RORA: variants seen among roughly 807,000 people sequenced by gnomAD.
RORA encodes the protein RAR related orphan receptor A.
RORA carries 7 observed loss-of-function variants against 69.5 expected under a neutral mutation model. The observed-to-expected ratio is 0.10, with a 90% CI of 0.06 to 0.19. The LOEUF (loss-of-function observed/expected upper bound fraction) is 0.19. RORA is among the 10% of genes least tolerant of loss of function. The probability of loss-of-function intolerance (pLI) is 1.00; values close to 1 mark genes in which losing one functional copy is unlikely to be tolerated. For synonymous variants in RORA, 261 were observed against 240.8 expected (o/e 1.08, Z -0.78); for missense variants, 457 against 663.0 (o/e 0.69, Z 3.41).
intron 2 of RORA, among the ~76,000 whole-genome samples, chr15:60,592,029 C>T (rs1322883708): frequency 6.6e-6 from 1 of 152,060 alleles, no homozygotes; most frequent in Non-Finnish European, 1.5e-5. Context: ...CCCCGGCTTC[C>T]TCTGAACTCC....
chr15:60,638,386 C>CTTTTTTTTTTTTTTTTTTTTTTTTTT (rs375782514), intron 2 of RORA, among the ~76,000 whole-genome samples: 1 of 117,922 alleles, frequency 8.5e-6, no homozygotes, highest in African/African-American at 3.2e-5. Flanking sequence ...ATTTTCTTTT[C>CTTTTTTTTTTTTTTTTTTTTTTTTTT]TTTTTTTTTT....
At chr15:60,590,094 TC>T (rs1875847017) in intron 2 of RORA, among the ~76,000 whole-genome samples, 2 of 152,136 alleles carry the variant, frequency 1.3e-5, no homozygotes, top group Non-Finnish European at 2.9e-5. Flanking sequence ...AGCAAGATAA[TC>T]CCATTAAAAT....
At chr15:61,145,192 T>A (rs138782954) in intron 1 of RORA, among the ~76,000 whole-genome samples, 2 of 152,350 alleles carry the variant, frequency 1.3e-5, no homozygotes, top group East Asian at 3.9e-4. Flanking sequence ...CATAGCAAAC[T>A]ACACCAATTC....
chr15:60,614,818 C>T (rs1194099276), intron 2 of RORA: 19 of 1,110,762 alleles, frequency 1.7e-5, no homozygotes, highest in East Asian at 4.8e-5. Context: ...ATTATACACA[C>T]GCACATGCAG....
At chr15:60,786,890 C>T (rs1199750634) in intron 1 of RORA, among the ~76,000 whole-genome samples, 1 of 152,202 alleles carries the variant, frequency 6.6e-6, no homozygotes, top group African/African-American at 2.4e-5. Flanking sequence ...CATTTAGCAA[C>T]CTTCCCAGCG....
At chr15:60,742,711 T>A (rs1262984937) in intron 1 of RORA, among the ~76,000 whole-genome samples, 3 of 152,338 alleles carry the variant, frequency 2.0e-5, no homozygotes, top group South Asian at 2.1e-4. Flanking sequence ...ATTCCACATA[T>A]AAGTGAGATC....
intron 1 of RORA, among the ~76,000 whole-genome samples, chr15:61,218,709 C>CACACAA (rs1555421375): frequency 2.6e-5 from 4 of 151,156 alleles, no homozygotes; most frequent in South Asian, 2.1e-4. Flanking sequence ...CACACACACA[C>CACACAA]AATTTCCTTC....
chr15:60,666,755 T>C (rs967147210), intron 2 of RORA, among the ~76,000 whole-genome samples: 1 of 152,112 alleles, frequency 6.6e-6, no homozygotes, highest in Non-Finnish European at 1.5e-5. Flanking sequence ...GCATGGAATC[T>C]CCTGGGAACA....
intron 1 of RORA, among the ~76,000 whole-genome samples, chr15:60,880,022 A>C (rs756594091): frequency 6.6e-6 from 1 of 151,964 alleles, no homozygotes; most frequent in Non-Finnish European, 1.5e-5. Flanking sequence ...GAAGTAATCT[A>C]CTCCTTCACC....
At chr15:60,570,272 T>C (rs2067841108) in intron 2 of RORA, among the ~76,000 whole-genome samples, 1 of 152,140 alleles carries the variant, frequency 6.6e-6, no homozygotes, top group Admixed American at 6.5e-5. Context: ...TATTAACAAG[T>C]TTTTGTCTTC....
chr15:60,510,945 A>T (rs2065677017), intron 5 of RORA, among the ~76,000 whole-genome samples: 1 of 152,160 alleles, frequency 6.6e-6, no homozygotes, highest in Non-Finnish European at 1.5e-5. Flanking sequence ...AATGAAGTTA[A>T]TGTAGCCATT....
At chr15:60,651,169 C>T (rs2070137576) in intron 2 of RORA, among the ~76,000 whole-genome samples, 1 of 152,110 alleles carries the variant, frequency 6.6e-6, no homozygotes, top group South Asian at 2.1e-4. Context: ...GTTACTATGT[C>T]CCCATCCTTT....
At chr15:60,564,846 A>G (rs1041104097) in intron 2 of RORA, among the ~76,000 whole-genome samples, 4 of 152,178 alleles carry the variant, frequency 2.6e-5, no homozygotes, top group Non-Finnish European at 5.9e-5. Context: ...CAATACCCCA[A>G]TGGCACCCGA....
At chr15:60,697,726 A>G (rs1385799572) in intron 1 of RORA, among the ~76,000 whole-genome samples, 1 of 152,118 alleles carries the variant, frequency 6.6e-6, no homozygotes. Context: ...AAGAGACGTA[A>G]ATTTCTAATT....
At chr15:61,012,941 C>G (rs766806838) in intron 1 of RORA, among the ~76,000 whole-genome samples, 1 of 152,166 alleles carries the variant, frequency 6.6e-6, no homozygotes. Context: ...TGAGCCACCG[C>G]GCTCCCAGCC....
chr15:60,875,335 T>C (rs896969029), intron 1 of RORA, among the ~76,000 whole-genome samples: 6 of 152,242 alleles, frequency 3.9e-5, no homozygotes, highest in Non-Finnish European at 8.8e-5. Flanking sequence ...AATTTTAGTA[T>C]AATCTACCCC....
intron 1 of RORA, among the ~76,000 whole-genome samples, chr15:61,211,736 T>A (rs1483010080): frequency 6.6e-6 from 1 of 152,158 alleles, no homozygotes; most frequent in Non-Finnish European, 1.5e-5. Context: ...CTACTTGAGT[T>A]GAAGATAAAG....
chr15:61,035,558 G>C (rs911804081), intron 1 of RORA, among the ~76,000 whole-genome samples: 3 of 152,208 alleles, frequency 2.0e-5, no homozygotes, highest in Non-Finnish European at 1.5e-5. Context: ...GGAGGTTGTG[G>C]GCCCCTGGGC....
chr15:61,100,933 A>G (rs988570924), intron 1 of RORA, among the ~76,000 whole-genome samples: 1 of 152,242 alleles, frequency 6.6e-6, no homozygotes, highest in Admixed American at 6.5e-5. Flanking sequence ...CACCCTGTAT[A>G]TAACTCTGTT....
Sources: gnomAD v4.1 joint callset for allele counts (sites outside exome capture counted in the v4.1 genomes callset) on GRCh38, gnomAD v4.1.1 for gene constraint, MANE v1.5 for transcripts, NCBI Gene and HGNC (gene_info 2026-07-23, HGNC 2026-07-21) for gene names.